Variants in SNW1 observed in about 807,000 individuals in gnomAD.
SNW1 encodes SNW domain-containing protein 1.
In SNW1, 9 loss-of-function variants were observed where a neutral mutation model predicts 75.6. The ratio of observed to expected loss-of-function variants is 0.12; its 90% confidence interval spans 0.07 to 0.21. The LOEUF (loss-of-function observed/expected upper bound fraction) is 0.21, where lower values mean the gene tolerates loss of function less well. Ranked by LOEUF, SNW1 falls within the 10% of genes least tolerant of loss-of-function variation. The pLI, the probability that SNW1 is intolerant of heterozygous loss-of-function variation, is 1.00. For missense variants in SNW1, 409 were observed against 670.9 expected (o/e 0.61, Z 4.31); for synonymous variants, 200 against 219.1 (o/e 0.91, Z 0.77).
intron 3 of SNW1, among the ~76,000 whole-genome samples, chr14:77,743,218 T>C (rs9743465): frequency 0.067 from 9,700 of 143,770 alleles, 460 homozygotes; most frequent in Middle Eastern, 0.11. Context: ...AGAGCAAAAC[T>C]CCGTTTCAAA....
At chr14:77,724,583 C>T (rs1362385571) in intron 10 of SNW1, among the ~76,000 whole-genome samples, 1 of 152,192 alleles carries the variant, frequency 6.6e-6, no homozygotes, top group Non-Finnish European at 1.5e-5. Flanking sequence ...TTTTTTAGCT[C>T]CCACATACAA....
intron 1 of SNW1, chr14:77,760,736 G>A (rs1209953740): frequency 4.3e-6 from 3 of 702,448 alleles, no homozygotes; most frequent in Non-Finnish European, 7.8e-6. Context: ...CGCAGTCGCA[G>A]CCCGCGCGCT....
At chr14:77,760,798 G>A (rs746462769) in intron 1 of SNW1, 2 of 709,998 alleles carry the variant, frequency 2.8e-6, no homozygotes, top group African/African-American at 1.7e-5. Context: ...TCGTTCGCCC[G>A]AGCCGCGGAC....
At chr14:77,720,970 CATAAT>C (rs1277692045) in intron 11 of SNW1, 142 bp from the exon 12 acceptor site, 1 of 657,576 alleles carries the variant, frequency 1.5e-6, no homozygotes, top group East Asian at 2.6e-5. Context: ...CTTGATGATA[CATAAT>C]CAAGCTGGCA....
At chr14:77,718,551 T>G (rs766425073) in intron 12 of SNW1, 21 bp from the exon 13 acceptor site, 1 of 1,484,406 alleles carries the variant, frequency 6.7e-7, no homozygotes, top group Non-Finnish European at 9.3e-7. Context: ...ATGGATGACA[T>G]TAAATAAAAG....
chr14:77,723,069 G>A (rs1595074034), intron 11 of SNW1, 112 bp downstream of exon 11: 1 of 791,038 alleles, frequency 1.3e-6, no homozygotes, highest in East Asian at 2.5e-5. Context: ...GGATGGTCTC[G>A]ATCTCCTGAC....
At chr14:77,740,258 A>G (rs1198492454) in intron 3 of SNW1, among the ~76,000 whole-genome samples, 1 of 152,080 alleles carries the variant, frequency 6.6e-6, no homozygotes, top group East Asian at 1.9e-4. Flanking sequence ...CAACTTATAA[A>G]TATCAAAGAA....
rs769289839 is a variant in SNW1 at position 77,718,056 on chromosome 14, T to TAAGA, written c.*28_*31dup. ...TGACTTGCATCATTAGGGTTATGGG[T>TAAGA]AAGAGTTCATTCACTTTGGAGAGAC... On this transcript the variant is annotated 3_prime_UTR_variant, in exon 14 of 14. Coordinates refer to ENST00000261531, the MANE Select transcript of SNW1 (RefSeq NM_012245.3). The TAAGA allele has an allele frequency of 4.6e-6, 7 of 1,521,764 alleles. No homozygotes were observed. In the African/African-American group the frequency reaches 9.7e-5, roughly 21 times the overall value. 94.3% of individuals were successfully genotyped at this position (1,521,764 alleles called of 1,614,324 possible). A position where few individuals can be genotyped will look rare whatever the true frequency, so the allele number is the denominator to read the frequency against.
chr14:77,744,951 TC>T (rs1342480891), intron 3 of SNW1, among the ~76,000 whole-genome samples: 8 of 152,176 alleles, frequency 5.3e-5, no homozygotes, highest in African/African-American at 1.9e-4. Context: ...GGACTACACT[TC>T]CTCACTGGCT....
At chr14:77,749,034 G>T (rs966212273) in intron 3 of SNW1, among the ~76,000 whole-genome samples, 1 of 152,162 alleles carries the variant, frequency 6.6e-6, no homozygotes, top group African/African-American at 2.4e-5. Flanking sequence ...TATGTATTTA[G>T]GTTTGGATTT....
chr14:77,734,511 C>G (rs1033234267), intron 8 of SNW1, among the ~76,000 whole-genome samples: 24 of 152,234 alleles, frequency 1.6e-4, no homozygotes, highest in Admixed American at 1.1e-3. Flanking sequence ...TGGCCGAGGC[C>G]GGCGGATCAC....
At chr14:77,756,734 T>A (rs1289614909) in intron 1 of SNW1, among the ~76,000 whole-genome samples, 1 of 152,062 alleles carries the variant, frequency 6.6e-6, no homozygotes, top group African/African-American at 2.4e-5. Context: ...AAATACAAAA[T>A]TAGCCAGGCG....
chr14:77,738,282 CAGAGCAAGA>C (rs941005513), intron 5 of SNW1, among the ~76,000 whole-genome samples: 12 of 152,214 alleles, frequency 7.9e-5, no homozygotes, highest in African/African-American at 2.4e-4. Flanking sequence ...GCCTGGGCAA[CAGAGCAAGA>C]TTCTGTCCCC....
At chr14:77,758,853 T>C (rs779831138) in intron 1 of SNW1, among the ~76,000 whole-genome samples, 7 of 152,302 alleles carry the variant, frequency 4.6e-5, no homozygotes, top group Non-Finnish European at 1.0e-4. Context: ...CAACTGTGTC[T>C]ACTGGACACC....
Position 77,717,772 on chromosome 14 carries a change from T to C in SNW1, c.*316A>G. On this transcript the variant is annotated 3_prime_UTR_variant, in exon 14 of 14. Transcript: ENST00000261531. ...TGGGGTAACTTTACTCATATGCAGC[T>C]GTTCTTACACAAAACATTAACCCCA... is the stretch of plus-strand genomic sequence containing the variant. 1 of 605,288 alleles carries C rather than the reference T, an allele frequency of 1.7e-6. No homozygotes were observed. Among genetic ancestry groups the C allele is most frequent in the Admixed American group, 3.0e-5 (1 of 32,914 alleles). 37.5% of individuals were successfully genotyped at this position (605,288 alleles called of 1,614,324 possible).
Sources: gnomAD v4.1 joint callset for allele counts (sites outside exome capture counted in the v4.1 genomes callset) on GRCh38, gnomAD v4.1.1 for gene constraint, MANE v1.5 for transcripts, NCBI Gene and HGNC (gene_info 2026-07-23, HGNC 2026-07-21) for gene names.